The following SORL1 variants were observed in gnomAD, a reference collection of about 807,000 sequenced individuals.
SORL1 encodes the protein sortilin related receptor 1, also known as sortilin-related receptor.
SORL1 carries 127 observed loss-of-function variants against 273.7 expected under a neutral mutation model. The observed-to-expected ratio is 0.46, with a 90% CI of 0.40 to 0.54. SORL1 has a LOEUF of 0.54. Ranked by LOEUF, SORL1 falls within the 20% of genes least tolerant of loss-of-function variation. SORL1 has a pLI of 0.00. For missense variants in SORL1, 2,494 were observed against 2,846.1 expected, an observed-to-expected ratio of 0.88 and a Z score of 2.81; for synonymous variants, 1,031 against 1,067.4, an observed-to-expected ratio of 0.97 and a Z score of 0.66.
chr11:121,488,011 C>T (rs1861499573), intron 3 of SORL1, 21 bp from the exon 4 acceptor site: 1 of 1,613,154 alleles, frequency 6.2e-7, no homozygotes, highest in Non-Finnish European at 8.5e-7. Context: ...CTGCTCTCAA[C>T]TTACCTGTTT....
chr11:121,559,464 G>A (rs1397057935), intron 20 of SORL1, 55 bp from the exon 21 acceptor site: 4 of 1,575,390 alleles, frequency 2.5e-6, no homozygotes, highest in East Asian at 4.5e-5. Context: ...CCCTTAGAGA[G>A]AACCAGAATA....
chr11:121,533,125 G>A (rs1490085247), intron 12 of SORL1, among the ~76,000 whole-genome samples: 1 of 151,972 alleles, frequency 6.6e-6, no homozygotes, highest in Non-Finnish European at 1.5e-5. Flanking sequence ...TCTTTGCTTT[G>A]TGTCTTTATT....
chr11:121,496,986 G>A lies in SORL1; in HGVS notation c.876G>A (p.Val292=), dbSNP rs1216245175. 5.0e-6 allele frequency: 8 copies of A among 1,614,018 alleles called. No homozygotes were observed. The highest frequency in any genetic ancestry group is 5.9e-6 in the Non-Finnish European group (7 of 1,180,028). ...DFFQSRENQE[V]ILEEVRDFQL... ...TCCAGTCCCGGGAAAACCAGGAAGTGATCCTTGAGGAAGTGAGAGATTTTC... is the reference window on the plus strand; with the variant it reads ...TCCAGTCCCGGGAAAACCAGGAAGTAATCCTTGAGGAAGTGAGAGATTTTC... The change falls in exon 6 of 48, where the codon GTG becomes GTA. Residue 292 remains valine, a synonymous_variant. Coordinates refer to ENST00000260197, the MANE Select transcript of SORL1 (RefSeq NM_003105.6).
intron 27 of SORL1, 32 bp from the exon 28 acceptor site, chr11:121,587,988 A>T: frequency 6.2e-7 from 1 of 1,610,456 alleles, no homozygotes; most frequent in Non-Finnish European, 8.5e-7. Context: ...CGCAGTGCTC[A>T]TGGCCTCTTC....
rs1565330943 is a variant in SORL1 at position 121,545,230 on chromosome 11, CCT to C, written c.1865-12_1865-11del. 1 of 1,613,830 alleles carries C rather than the reference CCT, an allele frequency of 6.2e-7. No homozygotes were observed. Among genetic ancestry groups the C allele is most frequent in the Admixed American group, 1.7e-5 (1 of 60,006 alleles). On this transcript the variant is annotated splice_polypyrimidine_tract_variant and intron_variant, in intron 13 of 47. Transcript: ENST00000260197. ...TGCCTCTAATGCTTCGTGCTGTGTTCCTTTTTCTTTAGGAGTTCCCTGCACAG... is the reference window on the plus strand; with the variant it reads ...TGCCTCTAATGCTTCGTGCTGTGTTCTTTTCTTTAGGAGTTCCCTGCACAG...
intron 5 of SORL1, among the ~76,000 whole-genome samples, chr11:121,494,174 A>G (rs1861595162): frequency 6.6e-6 from 1 of 152,224 alleles, no homozygotes; most frequent in African/African-American, 2.4e-5. Flanking sequence ...AAGTTCTAAA[A>G]TCATATTGTA....
At chr11:121,618,685 C>G (rs1863674266) in intron 41 of SORL1, 89 bp from the exon 42 acceptor site, 5 of 1,479,966 alleles carry the variant, frequency 3.4e-6, no homozygotes, top group Non-Finnish European at 4.6e-6. Context: ...TCTTTTGAAG[C>G]AGTTCCAGGG....
At position 121,621,212 on chromosome 11, in the gene SORL1, A is replaced by G; in HGVS notation, c.6038A>G (p.Lys2013Arg). Reference protein sequence around the residue: ...HIIVQLGNMSKDSSIKITTVS... With the variant: ...HIIVQLGNMSRDSSIKITTVS... ...ATTGTCCAACTGGGGAACATGAGCA[A>G]AGATTCCAGCATAAAAATTACCACA... The change falls in exon 44 of 48, where the codon AAA becomes AGA. Residue 2013 changes from lysine (K) to arginine (R), a missense_variant. This residue lies in a region of SORL1 where 1,609 missense variants were observed against 1,816.4 expected (regional missense o/e 0.89). Coordinates refer to ENST00000260197, the MANE Select transcript of SORL1 (RefSeq NM_003105.6). 1 of 1,614,120 alleles carries G rather than the reference A, an allele frequency of 6.2e-7. No homozygotes were observed. Among genetic ancestry groups the G allele is most frequent in the Non-Finnish European group, 8.5e-7 (1 of 1,179,986 alleles).
chr11:121,545,707 G>A (rs1187205854), intron 14 of SORL1, among the ~76,000 whole-genome samples: 3 of 152,170 alleles, frequency 2.0e-5, no homozygotes, highest in Non-Finnish European at 4.4e-5. Flanking sequence ...ATTTCTATTA[G>A]GGTAACCCAA....
intron 3 of SORL1, among the ~76,000 whole-genome samples, chr11:121,479,441 C>T (rs187103101): frequency 1.3e-5 from 2 of 152,202 alleles, no homozygotes; most frequent in African/African-American, 4.8e-5. Context: ...GCAAGATCTA[C>T]AGGGTCCTCT....
intron 6 of SORL1, 31 bp from the exon 7 acceptor site, chr11:121,512,972 A>G: frequency 1.4e-6 from 2 of 1,476,590 alleles, no homozygotes; most frequent in Non-Finnish European, 1.9e-6. Flanking sequence ...ATGTGGCACC[A>G]TTAATTTTTT....
At chr11:121,557,893 C>T (rs932918413) in intron 19 of SORL1, among the ~76,000 whole-genome samples, 10 of 152,170 alleles carry the variant, frequency 6.6e-5, no homozygotes, top group Non-Finnish European at 1.3e-4. Flanking sequence ...CTGGATTTGA[C>T]ATTCTGGCTT....
chr11:121,524,199 C>T (rs930412410), intron 11 of SORL1, among the ~76,000 whole-genome samples: 1 of 152,278 alleles, frequency 6.6e-6, no homozygotes, highest in Non-Finnish European at 1.5e-5. Flanking sequence ...TTTCCCCTTT[C>T]GTGGAGCTGG....
chr11:121,541,705 T>C (rs1337499456), intron 12 of SORL1, among the ~76,000 whole-genome samples: 2 of 152,210 alleles, frequency 1.3e-5, no homozygotes, highest in Non-Finnish European at 2.9e-5. Flanking sequence ...AAAGAAGGCT[T>C]GAATTGAGTG....
In SORL1 at chr11:121,586,317, G is replaced by C; in HGVS notation, c.3802G>C (p.Glu1268Gln). 6.2e-7 allele frequency: 1 copy of C among 1,613,556 alleles called. No homozygotes were observed. The highest frequency in any genetic ancestry group is 8.5e-7 in the Non-Finnish European group (1 of 1,179,454). ...GCGTGATTGCTCTGATGGCTCCGAT[G>C]AACAGCACTGCGGTGAGTTCATTCC... is the stretch of plus-strand genomic sequence containing the variant. ...GLRDCSDGSD[E>Q]QHCEPLCTHF... The change falls in exon 27 of 48, where the codon GAA becomes CAA. Residue 1268 changes from glutamate to glutamine, a missense_variant. By Grantham distance (29) the Glu-to-Gln change is conservative (BLOSUM62 2). This residue lies in a region of SORL1 where 1,609 missense variants were observed against 1,816.4 expected (regional missense o/e 0.89). Transcript: ENST00000260197.
chr11:121,496,686 A>G (rs1861633905), intron 5 of SORL1, among the ~76,000 whole-genome samples, 183 bp from the exon 6 acceptor site: 2 of 152,204 alleles, frequency 1.3e-5, no homozygotes, highest in South Asian at 4.1e-4. Context: ...GCAAATGGCA[A>G]TTTGTCCCCT....
At chr11:121,512,141 G>A (rs1289124396) in intron 6 of SORL1, among the ~76,000 whole-genome samples, 1 of 152,184 alleles carries the variant, frequency 6.6e-6, no homozygotes, top group Middle Eastern at 3.4e-3. Flanking sequence ...TAAAACGTAC[G>A]GAGCCTCCAT....
intron 47 of SORL1, among the ~76,000 whole-genome samples, chr11:121,628,624 G>A (rs1331132005): frequency 6.6e-6 from 1 of 152,114 alleles, no homozygotes; most frequent in African/African-American, 2.4e-5. Context: ...GAAAAAGTAA[G>A]AAGTTTCCCG....
chr11:121,615,275 C>G (rs980441872), intron 41 of SORL1, among the ~76,000 whole-genome samples: 1 of 152,126 alleles, frequency 6.6e-6, no homozygotes, highest in African/African-American at 2.4e-5. Context: ...ACTTTCCACT[C>G]CTCCCCAGTG....
Sources: allele counts gnomAD v4.1 joint callset (sites outside exome capture counted in the v4.1 genomes callset), GRCh38; gene constraint gnomAD v4.1.1; regional missense constraint gnomAD v4.1.1; transcripts MANE v1.5; gene names NCBI Gene and HGNC (gene_info 2026-07-23, HGNC 2026-07-21).